Variants in UBE2D2 observed in about 807,000 individuals in gnomAD.
UBE2D2 encodes the protein ubiquitin conjugating enzyme E2 D2.
In UBE2D2, 2 loss-of-function variants were observed where a neutral mutation model predicts 24.2. The ratio of observed to expected loss-of-function variants is 0.08; its 90% confidence interval spans 0.03 to 0.26. The LOEUF (loss-of-function observed/expected upper bound fraction) is 0.26, where lower values mean the gene tolerates loss of function less well. UBE2D2 is among the 10% of genes least tolerant of loss of function. The probability of loss-of-function intolerance (pLI) is 1.00; values close to 1 mark genes in which losing one functional copy is unlikely to be tolerated. For missense variants in UBE2D2, 44 were observed against 177.6 expected, an observed-to-expected ratio of 0.25 and a Z score of 4.28; for synonymous variants, 58 against 56.5, an observed-to-expected ratio of 1.03 and a Z score of -0.12.
At chr5:139,546,962 T>A (rs543353680) in intron 1 of UBE2D2, among the ~76,000 whole-genome samples, 73 of 151,394 alleles carry the variant, frequency 4.8e-4, no homozygotes, top group Non-Finnish European at 9.0e-4. Context: ...GGCGTCATCT[T>A]GGCTCACTGC....
At chr5:139,597,809 GAAAATCTCTATTTTAGAGACAT>G (rs1328682447) in intron 1 of UBE2D2, among the ~76,000 whole-genome samples, 3 of 152,214 alleles carry the variant, frequency 2.0e-5, no homozygotes, top group Admixed American at 1.3e-4. Context: ...GAGATGGGCA[GAAAATCTCTATTTTAGAGACAT>G]AAAATCTAAA....
chr5:139,598,919 C>CTTTTT (rs36027909), intron 1 of UBE2D2, among the ~76,000 whole-genome samples: 2 of 76,208 alleles, frequency 2.6e-5, no homozygotes, highest in African/African-American at 7.2e-5. Flanking sequence ...AAATATATTC[C>CTTTTT]TTTTTTTTTT....
chr5:139,532,446 G>A (rs760049562), intron 1 of UBE2D2, among the ~76,000 whole-genome samples: 3 of 151,688 alleles, frequency 2.0e-5, no homozygotes, highest in Non-Finnish European at 4.4e-5. Context: ...CCGCCTCCTC[G>A]GTTCACGCCA....
intron 1 of UBE2D2, among the ~76,000 whole-genome samples, chr5:139,548,547 C>T (rs1752867539): frequency 6.6e-6 from 1 of 152,038 alleles, no homozygotes; most frequent in Non-Finnish European, 1.5e-5. Context: ...TGTAGATTTC[C>T]CTCATGGGCA....
intron 1 of UBE2D2, among the ~76,000 whole-genome samples, chr5:139,599,802 TTTTG>T (rs902067415): frequency 3.9e-5 from 6 of 151,952 alleles, no homozygotes; most frequent in African/African-American, 1.2e-4. Flanking sequence ...AATACATGTT[TTTTG>T]TTTGTTTGTT....
intron 1 of UBE2D2, among the ~76,000 whole-genome samples, chr5:139,570,501 C>G (rs112102270): frequency 3.9e-5 from 6 of 151,982 alleles, no homozygotes; most frequent in Non-Finnish European, 7.4e-5. Context: ...CCACCACGCC[C>G]GGCTAATTTT....
chr5:139,536,886 G>C (rs1403028127), intron 1 of UBE2D2, among the ~76,000 whole-genome samples: 1 of 151,978 alleles, frequency 6.6e-6, no homozygotes, highest in African/African-American at 2.4e-5. Context: ...GCTTTAAAAA[G>C]TAGTAAACCC....
At chr5:139,557,744 C>T (rs1044677396), upstream of UBE2D2, among the ~76,000 whole-genome samples, 2 of 151,986 alleles carry the variant, frequency 1.3e-5, no homozygotes, top group African/African-American at 4.8e-5. Flanking sequence ...GAGAGTCTGT[C>T]TCAATAAATA....
In UBE2D2 at chr5:139,623,362, T is replaced by C; in HGVS notation, c.305-6T>C. ...CTGCTAATTTATATGATTTTTTTCA[T>C]TCTAGTACTCTTGTCCATCTGTTCT... On this transcript the variant is annotated splice_region_variant and splice_polypyrimidine_tract_variant and intron_variant, in intron 5 of 6. Coordinates refer to ENST00000398733, the MANE Select transcript of UBE2D2 (RefSeq NM_003339.3). 6.3e-7 allele frequency: 1 copy of C among 1,576,974 alleles called. No homozygotes were observed. The highest frequency in any genetic ancestry group is 8.7e-7 in the Non-Finnish European group (1 of 1,152,864).
At chr5:139,533,562 A>C in intron 1 of UBE2D2, among the ~76,000 whole-genome samples, 1 of 151,704 alleles carries the variant, frequency 6.6e-6, no homozygotes, top group Non-Finnish European at 1.5e-5. Context: ...AGGCAGGAGA[A>C]TCGCTTGAAC....
intron 1 of UBE2D2, among the ~76,000 whole-genome samples, chr5:139,546,847 TTCC>T: frequency 6.7e-6 from 1 of 149,822 alleles, no homozygotes; most frequent in Non-Finnish European, 1.5e-5. Context: ...CCTTCCTTCC[TTCC>T]TTCCTTCCTT....
chr5:139,553,689 C>T (rs965534800), intron 1 of UBE2D2, among the ~76,000 whole-genome samples: 1 of 152,150 alleles, frequency 6.6e-6, no homozygotes, highest in Non-Finnish European at 1.5e-5. Context: ...AAATTCTTTA[C>T]ACCCTTTAAA....
At chr5:139,621,697 A>T (rs963290972) in intron 5 of UBE2D2, among the ~76,000 whole-genome samples, 4 of 152,028 alleles carry the variant, frequency 2.6e-5, no homozygotes, top group African/African-American at 9.7e-5. Flanking sequence ...AACACAGCTC[A>T]ATACAGCCTT....
chr5:139,591,124 C>G (rs764992453), intron 1 of UBE2D2, among the ~76,000 whole-genome samples: 1 of 142,170 alleles, frequency 7.0e-6, no homozygotes, highest in Non-Finnish European at 1.5e-5. Flanking sequence ...TTTTCTCTCT[C>G]TCTTTTTTTT....
chr5:139,600,289 A>AT, intron 1 of UBE2D2, 83 bp from the exon 2 acceptor site: 4 of 1,423,378 alleles, frequency 2.8e-6, no homozygotes, highest in Non-Finnish European at 3.9e-6. Flanking sequence ...AGGACAGAGA[A>AT]TATTGGTAAC....
At chr5:139,532,240 T>C (rs1752606575) in intron 1 of UBE2D2, among the ~76,000 whole-genome samples, 1 of 151,296 alleles carries the variant, frequency 6.6e-6, no homozygotes, top group Admixed American at 6.6e-5. Context: ...AGTGGCACGA[T>C]CTCGGCTCAC....
Position 139,627,710 on chromosome 5 carries a change from T to G in UBE2D2, c.*909T>G, listed in dbSNP as rs536506228. 6.5e-6 allele frequency: 1 copy of G among 152,752 alleles called. No individual in the cohort carries two copies. The highest frequency in any genetic ancestry group is 1.5e-5 in the Non-Finnish European group (1 of 68,016). The allele number at this position is 152,752 out of a possible 1,614,324, so 9.5% of individuals were successfully genotyped here. A position where few individuals can be genotyped will look rare whatever the true frequency, so the allele number is the denominator to read the frequency against. ...ACATATAATTTTGTGTGAATAGGCT[T>G]TTTCATTTTTAAGAAGTTTGTCTAG... On this transcript the variant is annotated 3_prime_UTR_variant, in exon 7 of 7. Coordinates refer to ENST00000398733, the MANE Select transcript of UBE2D2 (RefSeq NM_003339.3).
intron 1 of UBE2D2, among the ~76,000 whole-genome samples, chr5:139,551,089 A>G (rs1319153860): frequency 6.6e-6 from 1 of 152,162 alleles, no homozygotes; most frequent in Non-Finnish European, 1.5e-5. Context: ...TCACACCTGT[A>G]ATCCCAGCAC....
upstream of UBE2D2, among the ~76,000 whole-genome samples, chr5:139,558,090 GA>G (rs891812103): frequency 6.8e-6 from 1 of 146,568 alleles, no homozygotes; most frequent in African/African-American, 2.5e-5. Context: ...CCCATCTCAA[GA>G]AAAAAAAAGA....
Sources: gnomAD v4.1 joint callset for allele counts (sites outside exome capture counted in the v4.1 genomes callset) on GRCh38, gnomAD v4.1.1 for gene constraint, MANE v1.5 for transcripts, NCBI Gene and HGNC (gene_info 2026-07-23, HGNC 2026-07-21) for gene names.